Variants in PRDM1 observed in about 807,000 individuals in gnomAD.
PRDM1 encodes PR/SET domain 1, also known as PR domain zinc finger protein 1.
A neutral mutation model predicts 62.8 loss-of-function variants in PRDM1; 13 were observed. The ratio of observed to expected loss-of-function variants is 0.21; its 90% CI spans 0.13 to 0.33. The LOEUF is 0.33. PRDM1 is among the 10% of genes least tolerant of loss of function. The pLI, the probability that PRDM1 is intolerant of heterozygous loss-of-function variation, is 1.00. For missense variants in PRDM1, 895 were observed against 1,058.8 expected (o/e 0.85, Z 2.15); for synonymous variants, 396 against 417.6 (o/e 0.95, Z 0.63).
At position 105,994,910 on chromosome 6, in the gene PRDM1, C is replaced by A. The variant is rs1434556396; in HGVS notation, c.-67+1271C>A. ...GGGGACGGCGCGCTTGTCGCGGGAG[C>A]CTCCCGGCTTGCGGAGGGCTTGAGT... On this transcript the variant is annotated intron_variant, in intron 1 of 6. Transcript: ENST00000652320. The surrounding 1 kb of genome is among the most constrained non-coding windows in gnomAD (Gnocchi z 4.1). Among the ~76,000 whole-genome samples, 2 of 152,212 alleles carry A rather than the reference C, an allele frequency of 1.3e-5. No individual in the cohort carries two copies. Among genetic ancestry groups the A allele is most frequent in the Non-Finnish European group, 2.9e-5 (2 of 68,026 alleles).
chr6:106,016,466 C>T (rs577917197), intron 1 of PRDM1, among the ~76,000 whole-genome samples: 28 of 152,016 alleles, frequency 1.8e-4, no homozygotes, highest in Admixed American at 3.9e-4. Flanking sequence ...CCTGGGTACC[C>T]GCAGATTAAC....
chr6:106,064,281 T>A (rs1432872804), intron 1 of PRDM1, among the ~76,000 whole-genome samples: 15 of 152,212 alleles, frequency 9.9e-5, no homozygotes, highest in Non-Finnish European at 2.2e-4. Context: ...TTGGCTTTTC[T>A]GTAAAATATC....
At position 105,995,050 on chromosome 6, in the gene PRDM1, A is replaced by G. The variant is rs568966773; in HGVS notation, c.-67+1411A>G. ...CGCGCACTTCCCGGTTTTGAAAGCC[A>G]GAGAGATGAGTCAAGCGCAAAAGCT... On this transcript the variant is annotated intron_variant, in intron 1 of 6. Transcript: ENST00000652320. Among the ~76,000 whole-genome samples the G allele has an allele frequency of 6.6e-5, 10 of 152,328 alleles. No individual in the cohort carries two copies. In the South Asian group the frequency reaches 2.1e-3, roughly 32 times the overall value.
Position 106,107,055 on chromosome 6 carries a change from C to G in PRDM1, c.2047C>G (p.Arg683Gly), listed in dbSNP as rs200326607. The G allele has an allele frequency of 6.2e-7, 1 of 1,614,204 alleles. No homozygotes were observed. The change falls in exon 7 of 7, where the codon CGG becomes GGG. Residue 683 changes from arginine (R) to glycine (G), a missense_variant. Physicochemically the swap from Arg to Gly is moderately radical, Grantham distance 125 (BLOSUM62 -2). Around this residue, in one of 4 missense-constraint regions of PRDM1, gnomAD observed 164 missense variants for 179.9 expected, o/e 0.91. Transcript: ENST00000369096. ...HLKLHKRLHTRERPHKCSQCH... is the reference protein window; with the variant it reads ...HLKLHKRLHTGERPHKCSQCH... Reference sequence around the variant, plus strand: ...GAAACTGCACAAGCGTCTGCACACCCGGGAGCGGCCCCACAAGTGCTCCCA... The same window carrying G: ...GAAACTGCACAAGCGTCTGCACACCGGGGAGCGGCCCCACAAGTGCTCCCA...
intron 1 of PRDM1, among the ~76,000 whole-genome samples, chr6:106,005,507 C>T (rs555642822): frequency 3.3e-5 from 5 of 152,302 alleles, no homozygotes; most frequent in South Asian, 2.1e-4. Context: ...TGTTTGTTCA[C>T]GAGCACTCCT....
intron 1 of PRDM1, among the ~76,000 whole-genome samples, chr6:106,012,898 G>A (rs1472836538): frequency 6.6e-6 from 1 of 152,206 alleles, no homozygotes; most frequent in African/African-American, 2.4e-5. Flanking sequence ...GCCATTAGAT[G>A]TATAAGATTT....
intron 2 of PRDM1, among the ~76,000 whole-genome samples, chr6:106,094,724 G>A (rs1231963913): frequency 6.6e-6 from 1 of 151,868 alleles, no homozygotes; most frequent in African/African-American, 2.4e-5. Context: ...GCAACATGGT[G>A]AGACCCCTTC....
chr6:106,083,658 A>G (rs1448572953), upstream of PRDM1, among the ~76,000 whole-genome samples: 2 of 152,246 alleles, frequency 1.3e-5, no homozygotes, highest in African/African-American at 4.8e-5. Context: ...TATTTGGCTC[A>G]TTCATGATTT....
chr6:106,039,820 C>T (rs1031435356), intron 1 of PRDM1, among the ~76,000 whole-genome samples: 4 of 152,224 alleles, frequency 2.6e-5, no homozygotes, highest in Non-Finnish European at 5.9e-5. Flanking sequence ...GTATTTCTTG[C>T]TGACATCCCT....
chr6:106,037,985 C>G (rs1011472743), intron 1 of PRDM1, among the ~76,000 whole-genome samples: 1 of 125,234 alleles, frequency 8.0e-6, no homozygotes, highest in Non-Finnish European at 1.7e-5. Context: ...ATCAGACTCT[C>G]TCCCTTTCCT....
chr6:106,030,996 CT>C (rs11343130), intron 1 of PRDM1, among the ~76,000 whole-genome samples: 108,643 of 135,234 alleles, frequency 0.8, 43,215 homozygotes, highest in South Asian at 0.89. Flanking sequence ...TGTATTCTCT[CT>C]TTTTTTTTTT....
At chr6:106,034,591 C>T (rs1772896331) in intron 1 of PRDM1, among the ~76,000 whole-genome samples, 1 of 149,620 alleles carries the variant, frequency 6.7e-6, no homozygotes, top group Admixed American at 6.7e-5. Flanking sequence ...TTCCATTGTA[C>T]TCAGAGATAA....
At chr6:106,037,949 C>G (rs1042011810) in intron 1 of PRDM1, among the ~76,000 whole-genome samples, 1 of 148,572 alleles carries the variant, frequency 6.7e-6, no homozygotes, top group African/African-American at 2.5e-5. Context: ...GTTGGACATT[C>G]GAAACAAATA....
chr6:106,019,611 A>T (rs1220542641), intron 1 of PRDM1, among the ~76,000 whole-genome samples: 1 of 149,294 alleles, frequency 6.7e-6, no homozygotes, highest in East Asian at 2.0e-4. Flanking sequence ...TATGTTTCTT[A>T]TTGACTTGCT....
At chr6:106,044,194 CTT>C (rs559769433), upstream of PRDM1, among the ~76,000 whole-genome samples, 135 of 128,074 alleles carry the variant, frequency 1.1e-3, no homozygotes, top group African/African-American at 3.6e-3. Context: ...TTTTTTCTTT[CTT>C]TTTTTTTTTT....
intron 2 of PRDM1, among the ~76,000 whole-genome samples, chr6:106,093,547 T>C (rs1425559167): frequency 6.6e-6 from 1 of 152,254 alleles, no homozygotes; most frequent in Admixed American, 6.5e-5. Context: ...GAATAATCAC[T>C]GAAATATGAA....
chr6:106,004,539 T>C (rs1772462363), intron 1 of PRDM1, among the ~76,000 whole-genome samples: 1 of 152,208 alleles, frequency 6.6e-6, no homozygotes, highest in Non-Finnish European at 1.5e-5. Flanking sequence ...AAGAGCCAAG[T>C]GATTTTGGAG....
chr6:106,067,327 A>G (rs1562158021), intron 1 of PRDM1, among the ~76,000 whole-genome samples: 1 of 152,200 alleles, frequency 6.6e-6, no homozygotes, highest in African/African-American at 2.4e-5. Context: ...TGTAATATCT[A>G]TGTTTAAATG....
At chr6:106,077,406 A>T (rs1042447080) in intron 1 of PRDM1, among the ~76,000 whole-genome samples, 2 of 152,184 alleles carry the variant, frequency 1.3e-5, no homozygotes, top group Non-Finnish European at 2.9e-5. Flanking sequence ...TGAGCAAAAA[A>T]GTGGTATACA....
Sources: allele counts gnomAD v4.1 joint callset (sites outside exome capture counted in the v4.1 genomes callset), GRCh38; gene constraint gnomAD v4.1.1; regional missense constraint gnomAD v4.1.1; non-coding constraint Gnocchi (gnomAD v3.1); transcripts MANE v1.5; gene names NCBI Gene and HGNC (gene_info 2026-07-23, HGNC 2026-07-21).